GTF2H4: variants seen among roughly 807,000 people sequenced by gnomAD.
The protein encoded by GTF2H4 is general transcription factor IIH subunit 4, also known as BTF2 p52.
Under a neutral mutation model 62.2 loss-of-function variants are expected in GTF2H4, and 49 were observed. The observed-to-expected ratio is 0.79, with a 90% CI of 0.63 to 1.00. GTF2H4 has a LOEUF of 1.00. GTF2H4 is among the 50% of genes least tolerant of loss of function. The pLI is 0.00. For synonymous variants in GTF2H4, 189 were observed against 233.8 expected (o/e 0.81, Z 1.75); for missense variants, 479 against 587.8 (o/e 0.81, Z 1.91).
At position 30,913,735 on chromosome 6, in the gene GTF2H4, G is replaced by T; in HGVS notation, c.1217-76G>T. On this transcript the variant is annotated intron_variant, in intron 13 of 13. Transcript: ENST00000259895. The surrounding 1 kb of genome is among the most constrained non-coding windows in gnomAD (Gnocchi z 4.2). ...GTCCAGGGCTGCCACCAAGGAGCTG[G>T]GGGGATTCCCAATAGGAGCTCCGAG... The T allele has an allele frequency of 7.3e-7, 1 of 1,373,472 alleles. No individual in the cohort carries two copies. The highest frequency in any genetic ancestry group is 2.6e-5 in the East Asian group (1 of 39,138). 85.1% of individuals were successfully genotyped at this position (1,373,472 alleles called of 1,614,324 possible). A position where few individuals can be genotyped will look rare whatever the true frequency, so the allele number is the denominator to read the frequency against.
In GTF2H4 at chr6:30,909,995, A is replaced by T; in HGVS notation, c.306A>T (p.Pro102=). The change falls in exon 4 of 14, where the codon CCA becomes CCT. Residue 102 remains proline, a synonymous_variant. Coordinates refer to ENST00000259895, the MANE Select transcript of GTF2H4 (RefSeq NM_001517.5). The surrounding 1 kb of genome is among the most constrained non-coding windows in gnomAD (Gnocchi z 4.3). ...GGATCTGGCACACACAGCTGCTCCCAGGCGGGCTCCAGGGCCTCATCCTCA... is the reference window on the plus strand; with the variant it reads ...GGATCTGGCACACACAGCTGCTCCCTGGCGGGCTCCAGGGCCTCATCCTCA... ...GLRIWHTQLL[P]GGLQGLILNP... is the part of the protein sequence containing the mutation. 6.2e-7 allele frequency: 1 copy of T among 1,612,990 alleles called. No homozygotes were observed. The highest frequency in any genetic ancestry group is 8.5e-7 in the Non-Finnish European group (1 of 1,179,978).
At position 30,913,243 on chromosome 6, in the gene GTF2H4, A is replaced by T; in HGVS notation, c.1138-66A>T. The stretch of plus-strand genomic sequence containing the variant: ...AAAGGGGCATCCAAATCTGGGGAAG[A>T]AACAGAGGGCCGGGTTGTCTGGGGC... On this transcript the variant is annotated intron_variant, in intron 12 of 13. Transcript: ENST00000259895. The surrounding 1 kb of genome is among the most constrained non-coding windows in gnomAD (Gnocchi z 4.2). 1 of 1,612,258 alleles carries T rather than the reference A, an allele frequency of 6.2e-7. No individual in the cohort carries two copies. Among genetic ancestry groups the T allele is most frequent in the Non-Finnish European group, 8.5e-7 (1 of 1,178,528 alleles).
chr6:30,912,168 C>G lies in GTF2H4; in HGVS notation c.958+22C>G, dbSNP rs897640342. 1 of 1,611,950 alleles carries G rather than the reference C, an allele frequency of 6.2e-7. No homozygotes were observed. Among genetic ancestry groups the G allele is most frequent in the Non-Finnish European group, 8.5e-7 (1 of 1,179,446 alleles). On this transcript the variant is annotated intron_variant, in intron 10 of 13. Coordinates refer to ENST00000259895, the MANE Select transcript of GTF2H4 (RefSeq NM_001517.5). The surrounding 1 kb of genome is among the most constrained non-coding windows in gnomAD (Gnocchi z 4.8). ...ACGGGTGAGGCGGGACAGAGGGCCC[C>G]TGGAAGAGGAGGTTGGGGGTGAGGG...
At position 30,913,855 on chromosome 6, in the gene GTF2H4, C is replaced by A; in HGVS notation, c.1261C>A (p.Leu421Met). ...CCTGTCGCAAGTGGACTTTGAGCTG[C>A]TGCTGGCCCACGCGCGGGAGCTGGG... is the stretch of plus-strand genomic sequence containing the variant. The part of the protein sequence containing the change: ...QFLSQVDFEL[L>M]LAHARELGVL... The change falls in exon 14 of 14, where the codon CTG becomes ATG. Residue 421 changes from leucine (L) to methionine (M), a missense_variant. Physicochemically the swap from Leu to Met is conservative, Grantham distance 15 (BLOSUM62 2). Transcript: ENST00000259895. This position sits in a 1 kb window ranked among gnomAD's most constrained non-coding sequence, Gnocchi z 4.2. The A allele has an allele frequency of 6.2e-7, 1 of 1,607,070 alleles. No individual in the cohort carries two copies. The highest frequency in any genetic ancestry group is 8.5e-7 in the Non-Finnish European group (1 of 1,176,930).
rs915073164 is a variant in GTF2H4, at chr6:30,909,000, G to A, written c.-3-34G>A. 5 of 1,612,848 alleles carry A rather than the reference G, an allele frequency of 3.1e-6. No homozygotes were observed. The African/African-American group carries it at 5.3e-5, about 17-fold the overall frequency. Reference sequence around the variant, plus strand: ...GTCAGGGGTGACACTGGCATGGATGGTGAGGTTGCACTTCTGACGTTTGCA... The same window carrying A: ...GTCAGGGGTGACACTGGCATGGATGATGAGGTTGCACTTCTGACGTTTGCA... On this transcript the variant is annotated intron_variant, in intron 1 of 13. Transcript: ENST00000259895.
At position 30,910,357 on chromosome 6, in the gene GTF2H4, T is replaced by A. The variant is rs1233422037; in HGVS notation, c.374+294T>A. The stretch of plus-strand genomic sequence containing the variant: ...TGTTTTGTTTGTTTTTGAGACAGAG[T>A]CTCACTCTGTCACCAAGGCCAGAGT... On this transcript the variant is annotated intron_variant, in intron 4 of 13. Transcript: ENST00000259895. The surrounding 1 kb of genome is among the most constrained non-coding windows in gnomAD (Gnocchi z 4.7). Among the ~76,000 whole-genome samples, 1 of 151,876 alleles carries A rather than the reference T, an allele frequency of 6.6e-6. No individual in the cohort carries two copies. Among genetic ancestry groups the A allele is most frequent in the Non-Finnish European group, 1.5e-5 (1 of 67,942 alleles).
At chr6:30,908,905 C>A in intron 1 of GTF2H4, 129 bp from the exon 2 acceptor site, 1 of 1,020,070 alleles carries the variant, frequency 9.8e-7, no homozygotes. Flanking sequence ...AGATGAGTGA[C>A]ATGGGAAAGG....
Position 30,910,631 on chromosome 6 carries a change from A to G in GTF2H4, c.375-34A>G. 2.0e-6 allele frequency: 3 copies of G among 1,521,236 alleles called. No individual in the cohort carries two copies. Among genetic ancestry groups the G allele is most frequent in the South Asian group, 2.2e-5 (2 of 89,014 alleles). The allele number at this position is 1,521,236 out of a possible 1,614,324, so 94.2% of individuals were successfully genotyped here. ...CAGGTGTGAGCCACTGCGCCTGGCC[A>G]GGGTTCCTTACTCTTGGCCCATCCT... On this transcript the variant is annotated intron_variant, in intron 4 of 13. Transcript: ENST00000259895. This position sits in a 1 kb window ranked among gnomAD's most constrained non-coding sequence, Gnocchi z 4.7.
At position 30,913,279 on chromosome 6, in the gene GTF2H4, G is replaced by A. The variant is rs1452571639; in HGVS notation, c.1138-30G>A. 1.2e-6 allele frequency: 2 copies of A among 1,613,518 alleles called. No individual in the cohort carries two copies. Among genetic ancestry groups the A allele is most frequent in the African/African-American group, 1.3e-5 (1 of 74,912 alleles). On this transcript the variant is annotated intron_variant, in intron 12 of 13. Transcript: ENST00000259895. The surrounding 1 kb of genome is among the most constrained non-coding windows in gnomAD (Gnocchi z 4.2). ...CGGGTTGTCTGGGGCAGTATTCTGA[G>A]TCCCTACAGTCAACCCTTGCTCCTT...
At position 30,911,442 on chromosome 6, in the gene GTF2H4, G is replaced by A; in HGVS notation, c.684G>A (p.Met228Ile). 2 of 1,613,852 alleles carry A rather than the reference G, an allele frequency of 1.2e-6. No homozygotes were observed. The highest frequency in any genetic ancestry group is 1.7e-6 in the Non-Finnish European group (2 of 1,179,798). Residue 228 changes from methionine (M) to isoleucine (I), a missense_variant, in exon 8 of 14, where the codon ATG (methionine) becomes ATA (isoleucine). Transcript: ENST00000259895. The surrounding 1 kb of genome is among the most constrained non-coding windows in gnomAD (Gnocchi z 4.3). The part of the protein sequence containing the change: ...QYLQTAQSRG[M>I]DLVEILSFLF... ...CTCTTTCTCCCTAGAGCCGGGGCAT[G>A]GACCTGGTAGAGATTCTCTCCTTCC...
Position 30,914,026 on chromosome 6 carries a change from C to CGGGGGGGAGTGGGG in GTF2H4, c.*47_*48insGGGAGTGGGGGGGG. The CGGGGGGGAGTGGGG allele has an allele frequency of 1.6e-6, 1 of 608,062 alleles. No individual in the cohort carries two copies. The highest frequency in any genetic ancestry group is 2.8e-6 in the Non-Finnish European group (1 of 355,882). 37.7% of individuals were successfully genotyped at this position (608,062 alleles called of 1,614,324 possible). ...ACGGACCTCGGCGGGCGGGACTGGG[C>CGGGGGGGAGTGGGG]GGGGCGGGGCATCAGAACTCAGGTG... On this transcript the variant is annotated 3_prime_UTR_variant, in exon 14 of 14. Coordinates refer to ENST00000259895, the MANE Select transcript of GTF2H4 (RefSeq NM_001517.5).
chr6:30,911,957 G>A lies in GTF2H4; in HGVS notation c.826-57G>A. 2 of 1,593,398 alleles carry A rather than the reference G, an allele frequency of 1.3e-6. No homozygotes were observed. The highest frequency in any genetic ancestry group is 1.7e-6 in the Non-Finnish European group (2 of 1,168,304). The stretch of plus-strand genomic sequence containing the variant: ...TGGGAGGGATCTGATATTTCAGGCA[G>A]GAAGATGTAAGGCAGTGACTTCTGA... On this transcript the variant is annotated intron_variant, in intron 9 of 13. Coordinates refer to ENST00000259895, the MANE Select transcript of GTF2H4 (RefSeq NM_001517.5). This position sits in a 1 kb window ranked among gnomAD's most constrained non-coding sequence, Gnocchi z 4.3.
At position 30,909,496 on chromosome 6, in the gene GTF2H4, C is replaced by T. The variant is rs1793679742; in HGVS notation, c.199C>T (p.Pro67Ser). The T allele has an allele frequency of 6.2e-7, 1 of 1,611,996 alleles. No homozygotes were observed. Among genetic ancestry groups the T allele is most frequent in the East Asian group, 2.2e-5 (1 of 44,880 alleles). Residue 67 changes from proline to serine, a missense_variant, in exon 3 of 14, where the codon CCA (proline) becomes TCA (serine). Transcript: ENST00000259895. The surrounding 1 kb of genome is among the most constrained non-coding windows in gnomAD (Gnocchi z 4.3). Reference sequence around the variant, plus strand: ...GATGCTCTTTCTGGAGCAGCCTTTGCCACAGGCTGCTGTAGCTCTGTGGGT... The same window carrying T: ...GATGCTCTTTCTGGAGCAGCCTTTGTCACAGGCTGCTGTAGCTCTGTGGGT... ...MRMLFLEQPL[P>S]QAAVALWVKK...
Position 30,913,534 on chromosome 6 carries a change from C to G in GTF2H4, c.1216+147C>G. ...TGTTTTGGGGTGAGTCGGTAGTAAA[C>G]AAATCGTCCCAAATCAATGCACTTT... On this transcript the variant is annotated intron_variant, in intron 13 of 13. Transcript: ENST00000259895. This position sits in a 1 kb window ranked among gnomAD's most constrained non-coding sequence, Gnocchi z 4.2. The G allele has an allele frequency of 1.1e-6, 1 of 877,824 alleles. No individual in the cohort carries two copies. The highest frequency in any genetic ancestry group is 1.8e-5 in the South Asian group (1 of 56,956). The allele number at this position is 877,824 out of a possible 1,614,324, so 54.4% of individuals were successfully genotyped here.
chr6:30,912,515 G>T lies in GTF2H4; in HGVS notation c.1089+57G>T. 1 of 1,601,688 alleles carries T rather than the reference G, an allele frequency of 6.2e-7. No individual in the cohort carries two copies. Among genetic ancestry groups the T allele is most frequent in the South Asian group, 1.1e-5 (1 of 90,720 alleles). ...GACAGGCTGCACTTGGGCTGCGGGGGACAGGGGTCACATTATGGAAGGCTA... is the reference window on the plus strand; with the variant it reads ...GACAGGCTGCACTTGGGCTGCGGGGTACAGGGGTCACATTATGGAAGGCTA... On this transcript the variant is annotated intron_variant, in intron 11 of 13. Transcript: ENST00000259895. The surrounding 1 kb of genome is among the most constrained non-coding windows in gnomAD (Gnocchi z 4.8).
At position 30,909,339 on chromosome 6, in the gene GTF2H4, C is replaced by A; in HGVS notation, c.138-96C>A. The A allele has an allele frequency of 8.2e-7, 1 of 1,218,640 alleles. No individual in the cohort carries two copies. Among genetic ancestry groups the A allele is most frequent in the Non-Finnish European group, 1.2e-6 (1 of 847,818 alleles). The allele number at this position is 1,218,640 out of a possible 1,614,324, so 75.5% of individuals were successfully genotyped here. Reference sequence around the variant, plus strand: ...AAACAGCAGGACTGGTAAAGTTGTGCTGGAGTGAGATGAGATGTTTGAGAG... The same window carrying A: ...AAACAGCAGGACTGGTAAAGTTGTGATGGAGTGAGATGAGATGTTTGAGAG... On this transcript the variant is annotated intron_variant, in intron 2 of 13. Transcript: ENST00000259895. The surrounding 1 kb of genome is among the most constrained non-coding windows in gnomAD (Gnocchi z 4.3).
rs781216841 is a variant in GTF2H4 at position 30,913,093 on chromosome 6, C to T, written c.1090-17C>T. On this transcript the variant is annotated splice_polypyrimidine_tract_variant and intron_variant, in intron 11 of 13. Transcript: ENST00000259895. This position sits in a 1 kb window ranked among gnomAD's most constrained non-coding sequence, Gnocchi z 4.2. ...TTCTTGCTGGAGCCCTCATGCCATT[C>T]TTGTCTGTTTTCCTAGATAATCCAT... 1.1e-5 allele frequency: 17 copies of T among 1,613,782 alleles called. No individual in the cohort carries two copies. In the South Asian group the frequency reaches 1.5e-4, roughly 15 times the overall value.
Position 30,910,904 on chromosome 6 carries a change from T to G in GTF2H4, c.523T>G (p.Leu175Val). ...CCCCAGTGCAGCTGTCAGCCAGGAC[T>G]TGGCTCAGCTCCTCAGCCAGGCTGG... ...GSPSAAVSQD[L>V]AQLLSQAGLM... is the part of the protein sequence containing the mutation. The change falls in exon 6 of 14, where the codon TTG (leucine) becomes GTG (valine). Residue 175 changes from leucine (L) to valine (V), a missense_variant. Transcript: ENST00000259895. This position sits in a 1 kb window ranked among gnomAD's most constrained non-coding sequence, Gnocchi z 4.7. 6.2e-7 allele frequency: 1 copy of G among 1,611,570 alleles called. No individual in the cohort carries two copies. The highest frequency in any genetic ancestry group is 8.5e-7 in the Non-Finnish European group (1 of 1,179,418).
In GTF2H4 at chr6:30,911,546, T is replaced by C; in HGVS notation, c.741+47T>C. 1 of 1,532,106 alleles carries C rather than the reference T, an allele frequency of 6.5e-7. No individual in the cohort carries two copies. Among genetic ancestry groups the C allele is most frequent in the Non-Finnish European group, 9.0e-7 (1 of 1,105,240 alleles). 94.9% of individuals were successfully genotyped at this position (1,532,106 alleles called of 1,614,324 possible). A position where few individuals can be genotyped will look rare whatever the true frequency, so the allele number is the denominator to read the frequency against. On this transcript the variant is annotated intron_variant, in intron 8 of 13. Coordinates refer to ENST00000259895, the MANE Select transcript of GTF2H4 (RefSeq NM_001517.5). This position sits in a 1 kb window ranked among gnomAD's most constrained non-coding sequence, Gnocchi z 4.3. ...ATAGAGATGGGAAGGGGAAAGCAAG[T>C]TGTGGGGCAGTAGAGTAGACTGAGA...
Sources: gnomAD v4.1 joint callset for allele counts (sites outside exome capture counted in the v4.1 genomes callset) on GRCh38, gnomAD v4.1.1 for gene constraint, Gnocchi (gnomAD v3.1) non-coding constraint, MANE v1.5 for transcripts, NCBI Gene and HGNC (gene_info 2026-07-23, HGNC 2026-07-21) for gene names.